TMTC4: variants seen among roughly 807,000 people sequenced by gnomAD.
TMTC4 encodes protein O-mannosyl-transferase TMTC4.
Under a neutral mutation model 86.0 loss-of-function variants are expected in TMTC4, and 65 were observed. That is an observed-to-expected ratio of 0.76 (90% CI 0.62 to 0.93). The LOEUF is 0.93. Among genes scored for constraint, TMTC4 ranks in the 40% least tolerant of loss-of-function variants. The pLI is 0.00. For missense variants in TMTC4, 866 were observed against 948.1 expected, an observed-to-expected ratio of 0.91 and a Z score of 1.14; for synonymous variants, 379 against 382.5, an observed-to-expected ratio of 0.99 and a Z score of 0.11.
chr13:100,613,207 G>A (rs1017611428), intron 16 of TMTC4, among the ~76,000 whole-genome samples: 1 of 152,090 alleles, frequency 6.6e-6, no homozygotes, highest in Non-Finnish European at 1.5e-5. Context: ...ATCTGTGTTT[G>A]TACCCATTAA....
intron 6 of TMTC4, among the ~76,000 whole-genome samples, chr13:100,646,520 G>C (rs990637507): frequency 6.6e-5 from 10 of 152,136 alleles, no homozygotes; most frequent in Non-Finnish European, 1.5e-4. Flanking sequence ...TCACTGGTGG[G>C]GATTAATTTT....
Position 100,604,303 on chromosome 13 carries a change from CT to C in TMTC4, c.*690del, listed in dbSNP as rs1352806180. The C allele has an allele frequency of 6.6e-6, 1 of 152,564 alleles. No homozygotes were observed. The highest frequency in any genetic ancestry group is 6.5e-5 in the Admixed American group (1 of 15,270). The allele number at this position is 152,564 out of a possible 1,614,324, so 9.5% of individuals were successfully genotyped here. On this transcript the variant is annotated 3_prime_UTR_variant, in exon 19 of 19. Transcript: ENST00000342624. ...TTGAACTTTCAATTGATAGTAACCG[CT>C]TATGTAAAATATTACATTACATAAT...
At chr13:100,648,748 T>C (rs963018452) in intron 6 of TMTC4, among the ~76,000 whole-genome samples, 2 of 152,242 alleles carry the variant, frequency 1.3e-5, no homozygotes, top group African/African-American at 2.4e-5. Context: ...AGCATGATCA[T>C]GACTTACTGG....
chr13:100,606,400 T>C lies in TMTC4; in HGVS notation c.2092A>G (p.Ile698Val). 1.2e-6 allele frequency: 2 copies of C among 1,613,678 alleles called. No individual in the cohort carries two copies. Among genetic ancestry groups the C allele is most frequent in the Non-Finnish European group, 1.7e-6 (2 of 1,179,896 alleles). ...CTTGCAGCATTTGGATTTGCTTTAA[T>C]TGCCTTGAGGAATAAAGCTTCAGAT... Reference protein sequence around the residue: ...KESEALFLKAIKANPNAASYH... With the variant: ...KESEALFLKAVKANPNAASYH... The change falls in exon 18 of 19, where the codon ATT becomes GTT. Residue 698 changes from isoleucine (I) to valine (V), a missense_variant. Ile to Val is a conservative substitution (Grantham distance 29, BLOSUM62 3). Coordinates refer to ENST00000342624, the MANE Select transcript of TMTC4 (RefSeq NM_032813.5).
intron 17 of TMTC4, among the ~76,000 whole-genome samples, chr13:100,607,949 A>G (rs558420782): frequency 1.3e-5 from 2 of 152,176 alleles, no homozygotes; most frequent in Non-Finnish European, 2.9e-5. Flanking sequence ...GCAGAAAAAA[A>G]GTCAAATGGG....
At chr13:100,659,904 C>G (rs1885555776) in intron 5 of TMTC4, among the ~76,000 whole-genome samples, 1 of 146,868 alleles carries the variant, frequency 6.8e-6, no homozygotes, top group African/African-American at 2.5e-5. Flanking sequence ...ATCTCAGGCA[C>G]ACTAGATGGC....
intron 5 of TMTC4, among the ~76,000 whole-genome samples, chr13:100,659,669 T>C (rs1885528266): frequency 6.6e-6 from 1 of 151,822 alleles, no homozygotes; most frequent in Non-Finnish European, 1.5e-5. Flanking sequence ...GGGACTGGCC[T>C]GTCAGAGGGT....
intron 7 of TMTC4, among the ~76,000 whole-genome samples, chr13:100,639,291 C>T (rs1018889767): frequency 6.6e-6 from 1 of 152,180 alleles, no homozygotes; most frequent in Non-Finnish European, 1.5e-5. Flanking sequence ...ATACATGGGC[C>T]AGTGCTGGGT....
rs55847448 is a variant in TMTC4 at position 100,640,810 on chromosome 13, C to CA, written c.741+1400dup. ...AGGGTGACAGAGTGAGGCTCTGTCT[C>CA]AAAAAAAAAAAAAAGGGAAAAAAAA... is the stretch of plus-strand genomic sequence containing the variant. On this transcript the variant is annotated intron_variant, in intron 7 of 18. Coordinates refer to ENST00000342624, the MANE Select transcript of TMTC4 (RefSeq NM_032813.5). Among the ~76,000 whole-genome samples the CA allele has an allele frequency of 1.0e-2, 896 of 90,046 alleles. 8 individuals are homozygous for CA. Among genetic ancestry groups the CA allele is most frequent in the African/African-American group, 0.028 (673 of 24,310 alleles). The allele number at this position is 90,046 out of a possible 152,430, so 59.1% of individuals were successfully genotyped here.
At chr13:100,656,275 G>A in intron 6 of TMTC4, 106 bp downstream of exon 6, 3 of 914,928 alleles carry the variant, frequency 3.3e-6, no homozygotes, top group South Asian at 1.7e-5. Flanking sequence ...TCCCCTCAGA[G>A]TGACACACTC....
At chr13:100,656,286 A>T in intron 6 of TMTC4, 95 bp downstream of exon 6, 1 of 1,055,900 alleles carries the variant, frequency 9.5e-7, no homozygotes, top group Non-Finnish European at 1.4e-6. Context: ...TGACACACTC[A>T]CATAGATGGA....
intron 2 of TMTC4, 80 bp from the exon 3 acceptor site, chr13:100,668,874 T>C: frequency 7.4e-7 from 1 of 1,343,220 alleles, no homozygotes; most frequent in Non-Finnish European, 1.0e-6. Context: ...GAGTAAGAGC[T>C]AGATAGTCAT....
rs1365039563 is a variant in TMTC4 at position 100,606,366 on chromosome 13, C to G, written c.2126G>C (p.Gly709Ala). The G allele has an allele frequency of 1.2e-6, 2 of 1,613,388 alleles. No homozygotes were observed. The highest frequency in any genetic ancestry group is 3.3e-5 in the Admixed American group (2 of 59,882). Residue 709 changes from glycine to alanine, a missense_variant, in exon 18 of 19, where the codon GGT (glycine) becomes GCT (alanine). Transcript: ENST00000342624. ...TTGAACATTTTTCTTACCCAAATTA[C>G]CATGGTAACTTGCAGCATTTGGATT... is the stretch of plus-strand genomic sequence containing the variant. Reference protein sequence around the residue: ...KANPNAASYHGNLAVLYHRWG... With the variant: ...KANPNAASYHANLAVLYHRWG...
At chr13:100,651,731 G>C (rs1398039069) in intron 6 of TMTC4, among the ~76,000 whole-genome samples, 1 of 152,050 alleles carries the variant, frequency 6.6e-6, no homozygotes, top group African/African-American at 2.4e-5. Context: ...TAATTTCAGA[G>C]TACTTAATTT....
chr13:100,642,299 C>G lies in TMTC4; in HGVS notation c.653G>C (p.Gly218Ala), dbSNP rs757019015. The G allele has an allele frequency of 1.2e-6, 2 of 1,614,074 alleles. No individual in the cohort carries two copies. The highest frequency in any genetic ancestry group is 2.7e-5 in the African/African-American group (2 of 74,922). The part of the protein sequence containing the change: ...CKAFRESNKE[G>A]AHSSTFWVLL... ...CACCCAGAAGGTGGAAGAATGCGCT[C>G]CCTCCTTGTTACCTGCCAATTAAGA... Residue 218 changes from glycine to alanine, a missense_variant, in exon 7 of 19, where the codon GGA becomes GCA. Gly to Ala is a moderately conservative substitution (Grantham distance 60). Transcript: ENST00000342624.
At chr13:100,607,959 G>A (rs1876928264) in intron 17 of TMTC4, among the ~76,000 whole-genome samples, 1 of 152,096 alleles carries the variant, frequency 6.6e-6, no homozygotes, top group Non-Finnish European at 1.5e-5. Context: ...AGTCAAATGG[G>A]TTGTGTAGTT....
chr13:100,650,726 A>G (rs912832494), intron 6 of TMTC4, among the ~76,000 whole-genome samples: 3 of 152,224 alleles, frequency 2.0e-5, no homozygotes, highest in East Asian at 1.9e-4. Flanking sequence ...GAAGCAACCA[A>G]AGAAACAGGG....
At chr13:100,662,822 G>T in intron 5 of TMTC4, 142 bp downstream of exon 5, 1 of 791,128 alleles carries the variant, frequency 1.3e-6, no homozygotes, top group South Asian at 1.6e-5. Context: ...TCTATTTCTA[G>T]AGTATGTTGT....
chr13:100,631,945 G>C (rs1482221628), intron 12 of TMTC4, among the ~76,000 whole-genome samples: 1 of 151,290 alleles, frequency 6.6e-6, no homozygotes, highest in Non-Finnish European at 1.5e-5. Context: ...ATGTTCTTGA[G>C]AAAGGACTAT....
Sources: allele counts gnomAD v4.1 joint callset (sites outside exome capture counted in the v4.1 genomes callset), GRCh38; gene constraint gnomAD v4.1.1; transcripts MANE v1.5; gene names NCBI Gene and HGNC (gene_info 2026-07-23, HGNC 2026-07-21).